VWF: variants seen among roughly 807,000 people sequenced by gnomAD.
The protein encoded by VWF is von Willebrand factor.
VWF carries 176 observed loss-of-function variants against 308.6 expected under a neutral mutation model. The observed-to-expected ratio is 0.57, with a 90% CI of 0.50 to 0.65. The LOEUF (loss-of-function observed/expected upper bound fraction) is 0.65, where lower values mean the gene tolerates loss of function less well. Among genes scored for constraint, VWF ranks in the 30% least tolerant of loss-of-function variants. The pLI is 0.00. For synonymous variants in VWF, 1,385 were observed against 1,443.4 expected (o/e 0.96, Z 0.92); for missense variants, 3,146 against 3,648.2 (o/e 0.86, Z 3.55).
chr12:6,039,239 T>G (rs1315803482), intron 18 of VWF, among the ~76,000 whole-genome samples: 1 of 152,212 alleles, frequency 6.6e-6, no homozygotes, highest in Non-Finnish European at 1.5e-5. Flanking sequence ...GTCCCATCAC[T>G]CACCAACTCA....
At chr12:6,027,363 C>T (rs1457351266) in intron 22 of VWF, among the ~76,000 whole-genome samples, 1 of 152,220 alleles carries the variant, frequency 6.6e-6, no homozygotes, top group Non-Finnish European at 1.5e-5. Flanking sequence ...TCTGCTCTTA[C>T]ATCCCCTCTT....
chr12:5,964,257 T>TGC (rs1943366969), intron 47 of VWF, among the ~76,000 whole-genome samples: 1 of 147,448 alleles, frequency 6.8e-6, no homozygotes, highest in African/African-American at 2.7e-5. Context: ...CATGCATACA[T>TGC]ACATACATAC....
intron 46 of VWF, among the ~76,000 whole-genome samples, 165 bp downstream of exon 46, chr12:5,967,962 C>T: frequency 6.6e-6 from 1 of 152,186 alleles, no homozygotes. Flanking sequence ...TGGTCCTAGC[C>T]TGGGCTCCAT....
Position 6,016,850 on chromosome 12 carries a change from CGTCCAGGGGCTGGCTGCA to C in VWF, c.5056_5073del (p.Cys1686_Asp1691del), listed in dbSNP as rs1565830816. 1 of 1,614,076 alleles carries C rather than the reference CGTCCAGGGGCTGGCTGCA, an allele frequency of 6.2e-7. No homozygotes were observed. The highest frequency in any genetic ancestry group is 1.7e-5 in the Admixed American group (1 of 60,022). On this transcript the variant is annotated inframe_deletion and splice_region_variant, in exon 29 of 52. Coordinates refer to ENST00000261405, the MANE Select transcript of VWF (RefSeq NM_000552.5). ...GAGGAGCCATCCAGGAGAAGGATCA[CGTCCAGGGGCTGGCTGCA>C]GTCTGCAAAGACAACCAGGAAGGTG...
Position 6,071,318 on chromosome 12 carries a change from A to C in VWF, c.1135T>G (p.Cys379Gly), listed in dbSNP as rs763461692. Residue 379 changes from cysteine (C) to glycine (G), a missense_variant, in exon 10 of 52, where the codon TGC (cysteine) becomes GGC (glycine). Transcript: ENST00000261405. ...TCICRNSQWI[C>G]SNEECPGECL... ...CTACCTGGACATTCTTCATTGCTGC[A>C]GATCCACTGGCTGTTTCGGCAAATG... is the stretch of plus-strand genomic sequence containing the variant. 2.5e-6 allele frequency: 4 copies of C among 1,614,186 alleles called. No homozygotes were observed. The East Asian group carries it at 8.9e-5, about 36-fold the overall frequency.
intron 23 of VWF, 73 bp downstream of exon 23, chr12:6,025,833 A>G: frequency 1.9e-6 from 3 of 1,611,692 alleles, no homozygotes; most frequent in South Asian, 1.1e-5. Context: ...TCCAGCCCCC[A>G]TGACAATGGG....
chr12:6,050,489 C>T (rs567920037), intron 16 of VWF, among the ~76,000 whole-genome samples: 109 of 152,352 alleles, frequency 7.2e-4, no homozygotes, highest in Non-Finnish European at 1.3e-3. Context: ...GGCCCCATTC[C>T]TACTGCTCCA....
chr12:6,100,612 AATC>A (rs1445505386), intron 5 of VWF, among the ~76,000 whole-genome samples: 3 of 152,112 alleles, frequency 2.0e-5, no homozygotes, highest in Non-Finnish European at 2.9e-5. Context: ...TGAAATTGGA[AATC>A]ATCATTCTCA....
intron 34 of VWF, among the ~76,000 whole-genome samples, chr12:6,005,150 T>C (rs1001062872): frequency 6.6e-6 from 1 of 152,234 alleles, no homozygotes; most frequent in Non-Finnish European, 1.5e-5. Flanking sequence ...GTACTAGTGC[T>C]ACCAGACAAT....
At chr12:6,055,395 G>A (rs1484520097) in intron 15 of VWF, among the ~76,000 whole-genome samples, 1 of 152,120 alleles carries the variant, frequency 6.6e-6, no homozygotes, top group Non-Finnish European at 1.5e-5. Context: ...AGTGCAAAGG[G>A]GTTACGTGAA....
intron 47 of VWF, among the ~76,000 whole-genome samples, chr12:5,964,751 CAG>C (rs1297080842): frequency 3.3e-5 from 5 of 152,138 alleles, no homozygotes; most frequent in Non-Finnish European, 5.9e-5. Flanking sequence ...ACAGGGCAGT[CAG>C]GGAGGCAAAA....
In VWF at chr12:5,986,703, G is replaced by C. The variant is rs577219425; in HGVS notation, c.6799-1038C>G. ...AATAAATGATAGCAGCTAACATTCA[G>C]ATGCCACCTGCTGTGTGCCACTGTG... On this transcript the variant is annotated intron_variant, in intron 38 of 51. Coordinates refer to ENST00000261405, the MANE Select transcript of VWF (RefSeq NM_000552.5). Among the ~76,000 whole-genome samples, 5 of 152,244 alleles carry C rather than the reference G, an allele frequency of 3.3e-5. No individual in the cohort carries two copies. The South Asian group carries it at 1.0e-3, about 32-fold the overall frequency.
intron 19 of VWF, 73 bp from the exon 20 acceptor site, chr12:6,034,899 A>T (rs1457490894): frequency 6.3e-7 from 1 of 1,586,722 alleles, no homozygotes; most frequent in Non-Finnish European, 8.6e-7. Context: ...CCATGGAGGC[A>T]ATGAAGGAAC....
At chr12:6,061,521 A>G (rs1340509974) in intron 13 of VWF, among the ~76,000 whole-genome samples, 1 of 151,728 alleles carries the variant, frequency 6.6e-6, no homozygotes, top group Non-Finnish European at 1.5e-5. Context: ...AGGAGCTCTA[A>G]GACAGGAGAA....
intron 34 of VWF, among the ~76,000 whole-genome samples, chr12:6,007,871 T>C (rs1943947166): frequency 6.6e-6 from 1 of 152,018 alleles, no homozygotes; most frequent in Non-Finnish European, 1.5e-5. Context: ...TACATTACAA[T>C]TGATAGCGCA....
intron 16 of VWF, among the ~76,000 whole-genome samples, chr12:6,048,925 C>T (rs898703641): frequency 6.6e-6 from 1 of 152,196 alleles, no homozygotes; most frequent in South Asian, 2.1e-4. Flanking sequence ...TCCACCCGCC[C>T]CCGTAAATGT....
intron 25 of VWF, among the ~76,000 whole-genome samples, chr12:6,023,279 AC>A (rs1401887376): frequency 1.3e-5 from 2 of 152,138 alleles, no homozygotes; most frequent in African/African-American, 4.8e-5. Context: ...GATTCTATAG[AC>A]ATGAATGTAT....
At position 5,969,264 on chromosome 12, in the gene VWF, G is replaced by C. The variant is rs778732929; in HGVS notation, c.7676C>G (p.Ser2559Trp). 6.2e-7 allele frequency: 1 copy of C among 1,614,196 alleles called. No individual in the cohort carries two copies. Among genetic ancestry groups the C allele is most frequent in the Non-Finnish European group, 8.5e-7 (1 of 1,180,036 alleles). Residue 2559 changes from serine (S) to tryptophan (W), a missense_variant, in exon 45 of 52, where the codon TCG becomes TGG. Coordinates refer to ENST00000261405, the MANE Select transcript of VWF (RefSeq NM_000552.5). ...GGTCTTACAGCTCAGCTGAAAGCCC[G>C]AGGGGCAGACAGGGACCTCCAGCTG... is the stretch of plus-strand genomic sequence containing the variant. Reference protein sequence around the residue: ...CPQLEVPVCPSGFQLSCKTSA... With the variant: ...CPQLEVPVCPWGFQLSCKTSA...
At chr12:5,950,249 G>C (rs1943169845) in intron 50 of VWF, among the ~76,000 whole-genome samples, 1 of 152,078 alleles carries the variant, frequency 6.6e-6, no homozygotes, top group Admixed American at 6.6e-5. Context: ...AGAAGCTAAT[G>C]GGCAATGAAG....
Sources: allele counts gnomAD v4.1 joint callset (sites outside exome capture counted in the v4.1 genomes callset), GRCh38; gene constraint gnomAD v4.1.1; transcripts MANE v1.5; gene names NCBI Gene and HGNC (gene_info 2026-07-23, HGNC 2026-07-21).